CKLF: variants seen among roughly 807,000 people sequenced by gnomAD.
CKLF encodes the protein chemokine-like factor.
In CKLF, 16 loss-of-function variants were observed where a neutral mutation model predicts 12.9. The ratio of observed to expected loss-of-function variants is 1.24; its 90% CI spans 0.84 to 1.88. The LOEUF is 1.88. Ranked by LOEUF, CKLF falls within the 40% of genes most tolerant of loss-of-function variation. The pLI is 0.00. For synonymous variants in CKLF, 61 were observed against 69.0 expected (o/e 0.88, Z 0.57); for missense variants, 172 against 188.5 (o/e 0.91, Z 0.51).
At chr16:66,558,871 G>A (rs1243201742) in intron 2 of CKLF, among the ~76,000 whole-genome samples, 1 of 152,146 alleles carries the variant, frequency 6.6e-6, no homozygotes, top group African/African-American at 2.4e-5. Flanking sequence ...ATATTTCATA[G>A]TATATAGACT....
At chr16:66,553,305 A>C (rs1350149512) in intron 1 of CKLF, 2 of 150,952 alleles carry the variant, frequency 1.3e-5, no homozygotes, top group South Asian at 2.1e-4. Flanking sequence ...CAAGATTTGA[A>C]AGAAAAAAAA....
Position 66,565,922 on chromosome 16 carries a change from G to A in CKLF, c.370G>A (p.Asp124Asn), listed in dbSNP as rs372025298. ...TGTGACAGCAGTATGCTGTCTTGCC[G>A]ACGGGGCCCTTATTTACCGGAAGCT... ...ALVTAVCCLADGALIYRKLLF... is the reference protein window; with the variant it reads ...ALVTAVCCLANGALIYRKLLF... Residue 124 changes from aspartate (D) to asparagine (N), a missense_variant, in exon 4 of 4, where the codon GAC becomes AAC. Physicochemically the swap from Asp to Asn is conservative, Grantham distance 23. Transcript: ENST00000264001. 1.9e-5 allele frequency: 30 copies of A among 1,613,966 alleles called. No individual in the cohort carries two copies. The highest frequency in any genetic ancestry group is 2.3e-5 in the Non-Finnish European group (27 of 1,179,996).
chr16:66,558,069 A>C, intron 1 of CKLF, 121 bp from the exon 2 acceptor site: 2 of 1,462,456 alleles, frequency 1.4e-6, no homozygotes, highest in Non-Finnish European at 9.2e-7. Flanking sequence ...CAGCCTCCCA[A>C]AATGCTGGGA....
intron 2 of CKLF, among the ~76,000 whole-genome samples, chr16:66,559,815 T>G (rs1408525954): frequency 1.3e-5 from 2 of 152,222 alleles, no homozygotes; most frequent in Non-Finnish European, 2.9e-5. Context: ...GTTATATGGG[T>G]AACTAAGTTT....
At chr16:66,562,444 A>G (rs1452340587) in intron 2 of CKLF, among the ~76,000 whole-genome samples, 1 of 152,130 alleles carries the variant, frequency 6.6e-6, no homozygotes, top group Non-Finnish European at 1.5e-5. Flanking sequence ...TTTACTTCCC[A>G]TGGCACCCCT....
intron 1 of CKLF, among the ~76,000 whole-genome samples, chr16:66,556,672 G>A (rs2011464122): frequency 6.6e-6 from 1 of 152,168 alleles, no homozygotes; most frequent in African/African-American, 2.4e-5. Context: ...TTGAGATTAT[G>A]TGTTGCTAAT....
chr16:66,557,826 A>G (rs9933115), intron 1 of CKLF, among the ~76,000 whole-genome samples: 9,633 of 152,278 alleles, frequency 0.063, 458 homozygotes, highest in East Asian at 0.12. Flanking sequence ...GGGAAGTGAT[A>G]GTGTCAGAAG....
At chr16:66,561,887 A>G (rs1338789982) in intron 2 of CKLF, among the ~76,000 whole-genome samples, 2 of 152,184 alleles carry the variant, frequency 1.3e-5, no homozygotes, top group Non-Finnish European at 1.5e-5. Flanking sequence ...CTACACATCC[A>G]TTTTAAAAAT....
intron 1 of CKLF, among the ~76,000 whole-genome samples, chr16:66,554,993 T>G (rs184346851): frequency 2.0e-5 from 3 of 152,260 alleles, no homozygotes; most frequent in Admixed American, 2.0e-4. Context: ...CCCAGCACTT[T>G]AGGAGGCCAA....
chr16:66,563,174 T>C lies in CKLF; in HGVS notation c.290T>C (p.Leu97Ser). Residue 97 changes from leucine (L) to serine (S), a missense_variant, in exon 3 of 4, where the codon TTG (leucine) becomes TCG (serine). By Grantham distance (145) the Leu-to-Ser change is moderately radical. Coordinates refer to ENST00000264001, the MANE Select transcript of CKLF (RefSeq NM_016951.4). ...GTATTCATGCTCATCGTATCTGTGT[T>C]GGCACTGATACCAGAAACCACAACA... is the stretch of plus-strand genomic sequence containing the variant. ...TTVFMLIVSV[L>S]ALIPETTTLT... is the part of the protein sequence containing the mutation. 6.2e-7 allele frequency: 1 copy of C among 1,614,218 alleles called. No individual in the cohort carries two copies. The highest frequency in any genetic ancestry group is 8.5e-7 in the Non-Finnish European group (1 of 1,180,044).
In CKLF at chr16:66,552,648, C is replaced by T. The variant is rs988059998; in HGVS notation, c.-68C>T. On this transcript the variant is annotated 5_prime_UTR_variant, in exon 1 of 4. Transcript: ENST00000264001. ...CGCGGTGGCGGTTGCTATCGCTTCG[C>T]AGAACCTACTCAGGCAGCCAGCTGA... 1.9e-6 allele frequency: 3 copies of T among 1,610,492 alleles called. No individual in the cohort carries two copies. The African/African-American group carries it at 4.0e-5, about 22-fold the overall frequency.
intron 2 of CKLF, among the ~76,000 whole-genome samples, chr16:66,560,110 A>C (rs1567550428): frequency 6.6e-6 from 1 of 152,184 alleles, no homozygotes; most frequent in Non-Finnish European, 1.5e-5. Flanking sequence ...CTGAGGGCTG[A>C]AGGATGAAAC....
intron 3 of CKLF, among the ~76,000 whole-genome samples, 182 bp downstream of exon 3, chr16:66,563,399 G>A (rs937724982): frequency 1.3e-5 from 2 of 152,190 alleles, no homozygotes; most frequent in Admixed American, 6.5e-5. Flanking sequence ...ACATGAAGGA[G>A]TATGATTTTA....
At chr16:66,558,447 T>G in intron 2 of CKLF, 99 bp downstream of exon 2, 3 of 1,482,140 alleles carry the variant, frequency 2.0e-6, no homozygotes, top group Non-Finnish European at 2.7e-6. Flanking sequence ...TTTAAGGTAA[T>G]CTCTGTTAGG....
intron 3 of CKLF, among the ~76,000 whole-genome samples, chr16:66,564,144 A>C (rs2011956975): frequency 1.3e-5 from 2 of 152,178 alleles, no homozygotes; most frequent in African/African-American, 4.8e-5. Context: ...CAGGCATAGG[A>C]TTTACTTTCA....
intron 1 of CKLF, among the ~76,000 whole-genome samples, chr16:66,557,272 A>AT (rs1337809579): frequency 6.6e-6 from 1 of 152,134 alleles, no homozygotes; most frequent in East Asian, 1.9e-4. Flanking sequence ...GGTTCAAGCG[A>AT]TTCTCCTGCC....
At chr16:66,555,016 A>G (rs2011370066) in intron 1 of CKLF, among the ~76,000 whole-genome samples, 1 of 152,188 alleles carries the variant, frequency 6.6e-6, no homozygotes, top group Non-Finnish European at 1.5e-5. Flanking sequence ...CAGGCAGATC[A>G]TTTGAAGTCA....
chr16:66,560,490 T>C (rs754208389), intron 2 of CKLF, among the ~76,000 whole-genome samples: 14 of 152,102 alleles, frequency 9.2e-5, no homozygotes, highest in Non-Finnish European at 1.8e-4. Context: ...TTTAGCTTGA[T>C]AAATACTAGA....
downstream of CKLF, chr16:66,566,196 G>A (rs1275895514): frequency 3.4e-5 from 52 of 1,522,876 alleles, no homozygotes; most frequent in Non-Finnish European, 4.6e-5. This position sits in a 1 kb window ranked among gnomAD's most constrained non-coding sequence, Gnocchi z 4.9. Flanking sequence ...CGGGTTTTCC[G>A]GCACCCGGGC....
Sources: allele counts gnomAD v4.1 joint callset (sites outside exome capture counted in the v4.1 genomes callset), GRCh38; gene constraint gnomAD v4.1.1; non-coding constraint Gnocchi (gnomAD v3.1); transcripts MANE v1.5; gene names NCBI Gene and HGNC (gene_info 2026-07-23, HGNC 2026-07-21).